Variants in UNC13D observed in about 807,000 individuals in gnomAD.
UNC13D encodes protein unc-13 homolog D.
UNC13D carries 115 observed loss-of-function variants against 151.7 expected under a neutral mutation model. That is an observed-to-expected ratio of 0.76 (90% CI 0.65 to 0.88). UNC13D has a LOEUF of 0.88. Ranked by LOEUF, UNC13D falls within the 40% of genes least tolerant of loss-of-function variation. The probability of loss-of-function intolerance (pLI) is 0.00; values close to 1 mark genes in which losing one functional copy is unlikely to be tolerated. For synonymous variants in UNC13D, 588 were observed against 612.2 expected (o/e 0.96, Z 0.58); for missense variants, 1,369 against 1,438.7 (o/e 0.95, Z 0.78).
In UNC13D at chr17:75,843,873, T is replaced by TG. The variant is rs573481513; in HGVS notation, c.117+347dup. The TG allele has an allele frequency of 3.3e-4, 448 of 1,369,554 alleles. 7 individuals carry two copies. The South Asian group carries it at 6.7e-3, about 20-fold the overall frequency. 84.8% of individuals were successfully genotyped at this position (1,369,554 alleles called of 1,614,324 possible). On this transcript the variant is annotated intron_variant, in intron 1 of 31. Coordinates refer to ENST00000207549, the MANE Select transcript of UNC13D (RefSeq NM_199242.3). ...AGGTGAGGGGGGTGCCACGTCGGCC[T>TG]GGGGGTCTGCTGCTCCCCGAACAGC...
At chr17:75,829,065 G>A in intron 30 of UNC13D, 82 bp from the exon 31 acceptor site, 1 of 1,523,864 alleles carries the variant, frequency 6.6e-7, no homozygotes, top group Non-Finnish European at 8.8e-7. Context: ...ACTTGGTGTT[G>A]GGAACCAGCC....
chr17:75,833,066 C>A lies in UNC13D; in HGVS notation c.2368-21G>T. ...ATGGCCTGGGGAGGGAGATGGGGAG[C>A]AGGTGTGGCTCCGGCCCATGTTGGC... On this transcript the variant is annotated intron_variant, in intron 24 of 31. Coordinates refer to ENST00000207549, the MANE Select transcript of UNC13D (RefSeq NM_199242.3). This position sits in a 1 kb window ranked among gnomAD's most constrained non-coding sequence, Gnocchi z 4.0. 6.3e-7 allele frequency: 1 copy of A among 1,594,876 alleles called. No homozygotes were observed. Among genetic ancestry groups the A allele is most frequent in the Non-Finnish European group, 8.5e-7 (1 of 1,171,748 alleles).
chr17:75,830,496 C>G lies in UNC13D; in HGVS notation c.2710-14G>C. ...GGTGGTTTCTGCCTGGGGTGGGGAG[C>G]AGGGGCAGGGTCAGCAGGGTCACAG... On this transcript the variant is annotated splice_polypyrimidine_tract_variant and intron_variant, in intron 28 of 31. Transcript: ENST00000207549. 6.3e-7 allele frequency: 1 copy of G among 1,590,740 alleles called. No individual in the cohort carries two copies. Among genetic ancestry groups the G allele is most frequent in the Non-Finnish European group, 8.6e-7 (1 of 1,168,896 alleles).
At position 75,841,192 on chromosome 17, in the gene UNC13D, G is replaced by GAGGA. The variant is rs575702409; in HGVS notation, c.570-195_570-192dup. ...GAGTCTAGTTCTGTCCCCCAGGCTG[G>GAGGA]AGGAGTGCAGTGGCAGGATCTAACT... On this transcript the variant is annotated intron_variant, in intron 6 of 31. Coordinates refer to ENST00000207549, the MANE Select transcript of UNC13D (RefSeq NM_199242.3). 8 of 595,630 alleles carry GAGGA rather than the reference G, an allele frequency of 1.3e-5. No homozygotes were observed. In the African/African-American group the frequency reaches 1.6e-4, roughly 12 times the overall value. 36.9% of individuals were successfully genotyped at this position (595,630 alleles called of 1,614,324 possible).
In UNC13D at chr17:75,843,056, G is replaced by C. The variant is rs3744007; in HGVS notation, c.279C>G (p.Pro93=). The change falls in exon 4 of 32, where the codon CCC becomes CCG. Residue 93 remains proline, a synonymous_variant. Transcript: ENST00000207549. ...GCTGCAGTGTCTGCTGGTGCTCCTC[G>C]GGCTCCACGTGGAAGGCCTGGTGGG... is the stretch of plus-strand genomic sequence containing the variant. The part of the protein sequence containing the change: ...RYLQEAFHVE[P]EEHQQTLQRV... 2.8e-5 allele frequency: 45 copies of C among 1,609,404 alleles called. No homozygotes were observed. The highest frequency in any genetic ancestry group is 3.6e-5 in the Non-Finnish European group (43 of 1,178,930).
At chr17:75,837,353 A>G (rs566167293) in intron 12 of UNC13D, among the ~76,000 whole-genome samples, 76 of 151,812 alleles carry the variant, frequency 5.0e-4, no homozygotes, top group Admixed American at 1.9e-3. Flanking sequence ...GACATGAGTC[A>G]CTGTGACCAG....
chr17:75,842,635 G>A (rs374282901), intron 5 of UNC13D, 22 bp from the exon 6 acceptor site: 18 of 1,610,198 alleles, frequency 1.1e-5, no homozygotes, highest in Non-Finnish European at 1.4e-5. Flanking sequence ...TGGGGAAGAC[G>A]AGGCAGCCAG....
intron 20 of UNC13D, 45 bp from the exon 21 acceptor site, chr17:75,835,108 C>G: frequency 6.2e-7 from 1 of 1,608,648 alleles, no homozygotes; most frequent in Non-Finnish European, 8.5e-7. Context: ...AATCCACCCC[C>G]TTCCCTCCTT....
rs185419295 is a variant in UNC13D at position 75,839,792 on chromosome 17, G to A, written c.1055+47C>T. On this transcript the variant is annotated intron_variant, in intron 12 of 31. Transcript: ENST00000207549. ...ACCGGCTTGGAGGAGGGCAGGGGGCGTGGGGGGCTGGTGGCTCAGGGGTTC... is the reference window on the plus strand; with the variant it reads ...ACCGGCTTGGAGGAGGGCAGGGGGCATGGGGGGCTGGTGGCTCAGGGGTTC... The A allele has an allele frequency of 8.2e-3, 13,056 of 1,595,664 alleles. 72 individuals carry two copies. The highest frequency in any genetic ancestry group is 9.7e-3 in the Non-Finnish European group (11,330 of 1,164,880).
rs917497461 is a variant in UNC13D at position 75,840,817 on chromosome 17, C to G, written c.628G>C (p.Val210Leu). ...CCAAGCTTCTGTCGGACAGACTCCA[C>G]AGTGTCCAGGTCCCTGGCAGGACAG... ...FHLDMWDLDTVESVRQKLGEL... is the reference protein window; with the variant it reads ...FHLDMWDLDTLESVRQKLGEL... Residue 210 changes from valine (V) to leucine (L), a missense_variant, in exon 8 of 32, where the codon GTG becomes CTG. Val to Leu is a conservative substitution (Grantham distance 32). This residue lies in a region of UNC13D where 550 missense variants were observed against 609.0 expected (regional missense o/e 0.90). Transcript: ENST00000207549. This position sits in a 1 kb window ranked among gnomAD's most constrained non-coding sequence, Gnocchi z 4.6. The G allele has an allele frequency of 3.1e-6, 5 of 1,613,942 alleles. No individual in the cohort carries two copies. In the Admixed American group the frequency reaches 8.3e-5, roughly 27 times the overall value.
At chr17:75,829,303 C>CT (rs542441754) in intron 30 of UNC13D, among the ~76,000 whole-genome samples, 1 of 152,228 alleles carries the variant, frequency 6.6e-6, no homozygotes, top group Non-Finnish European at 1.5e-5. Context: ...GGGAAGCAAA[C>CT]TTTTTTTTCT....
chr17:75,835,514 G>C lies in UNC13D; in HGVS notation c.1743C>G (p.Ala581=), dbSNP rs1344109934. ...GGAACCAGCGGTGGAAATTATCCAGGGCCAGGACTCCATCCCTGGGGATTG... is the reference window on the plus strand; with the variant it reads ...GGAACCAGCGGTGGAAATTATCCAGCGCCAGGACTCCATCCCTGGGGATTG... ...MSSSERDGVL[A]LDNFHRWFQP... is the part of the protein sequence containing the mutation. Residue 581 remains alanine (A), a synonymous_variant, in exon 20 of 32, where the codon GCC becomes GCG. Transcript: ENST00000207549. 2 of 1,606,384 alleles carry C rather than the reference G, an allele frequency of 1.2e-6. No individual in the cohort carries two copies. The highest frequency in any genetic ancestry group is 1.7e-6 in the Non-Finnish European group (2 of 1,176,744).
rs201931051 is a variant in UNC13D at position 75,831,301 on chromosome 17, G to A, written c.2495C>T (p.Ala832Val). Reference protein sequence around the residue: ...WTHTLTVLVEAAASQRSSSLA... With the variant: ...WTHTLTVLVEVAASQRSSSLA... ...GGATGAGCTGCGCTGGGAGGCGGCC[G>A]CCTCCACCAGCACTGTGAGTGTGTG... is the stretch of plus-strand genomic sequence containing the variant. The change falls in exon 26 of 32, where the codon GCG becomes GTG. Residue 832 changes from alanine to valine, a missense_variant. Ala to Val is a moderately conservative substitution (Grantham distance 64). Coordinates refer to ENST00000207549, the MANE Select transcript of UNC13D (RefSeq NM_199242.3). 3.4e-5 allele frequency: 55 copies of A among 1,613,618 alleles called. No homozygotes were observed. Among genetic ancestry groups the A allele is most frequent in the East Asian group, 4.5e-5 (2 of 44,880 alleles).
chr17:75,837,046 G>A (rs2064914437), intron 12 of UNC13D, 128 bp from the exon 13 acceptor site: 2 of 482,628 alleles, frequency 4.1e-6, no homozygotes, highest in Non-Finnish European at 6.5e-6. Context: ...GGCTCAACAG[G>A]ACATGCAGGA....
Position 75,840,643 on chromosome 17 carries a change from C to A in UNC13D, c.684-67G>T, listed in dbSNP as rs941579324. ...CGGAAGGGATTAGGCTGGAATCCAC[C>A]CCCGGCCGCAGCCACCTGGACCCCA... On this transcript the variant is annotated intron_variant, in intron 8 of 31. Coordinates refer to ENST00000207549, the MANE Select transcript of UNC13D (RefSeq NM_199242.3). The surrounding 1 kb of genome is among the most constrained non-coding windows in gnomAD (Gnocchi z 4.6). 6.2e-7 allele frequency: 1 copy of A among 1,611,220 alleles called. No homozygotes were observed. The highest frequency in any genetic ancestry group is 1.7e-5 in the Admixed American group (1 of 59,992).
intron 27 of UNC13D, 47 bp downstream of exon 27, chr17:75,831,051 G>A (rs2143866848): frequency 6.2e-7 from 1 of 1,609,610 alleles, no homozygotes; most frequent in Non-Finnish European, 8.5e-7. Flanking sequence ...GTGCCAAAAG[G>A]CAGGCTCCCC....
intron 30 of UNC13D, among the ~76,000 whole-genome samples, chr17:75,829,382 G>A (rs111365807): frequency 1.1e-4 from 16 of 152,036 alleles, no homozygotes; most frequent in East Asian, 3.9e-4. Context: ...TACAACCTCC[G>A]CCTCCCGGGT....
At chr17:75,843,923 A>G (rs1389875987) in intron 1 of UNC13D, 1 of 1,380,798 alleles carries the variant, frequency 7.2e-7, no homozygotes, top group Non-Finnish European at 9.4e-7. Flanking sequence ...GGACACCCCC[A>G]CCTAATGGAG....
In UNC13D at chr17:75,835,439, C is replaced by G. The variant is rs200621516; in HGVS notation, c.1818G>C (p.Ala606=). 6.2e-7 allele frequency: 1 copy of G among 1,612,928 alleles called. No homozygotes were observed. The highest frequency in any genetic ancestry group is 8.5e-7 in the Non-Finnish European group (1 of 1,179,856). The change falls in exon 20 of 32, where the codon GCG becomes GCC. Residue 606 remains alanine, a synonymous_variant. Coordinates refer to ENST00000207549, the MANE Select transcript of UNC13D (RefSeq NM_199242.3). ...CCATCTGCACAGCGCGCTGCACCCG[C>G]GCCAGGGCCTCGTTGTACGTCTTCT... The part of the protein sequence containing the change: ...WLQKTYNEAL[A]RVQRAVQMDE...
Sources: gnomAD v4.1 joint callset for allele counts (sites outside exome capture counted in the v4.1 genomes callset) on GRCh38, gnomAD v4.1.1 for gene constraint, gnomAD v4.1.1 regional missense constraint, Gnocchi (gnomAD v3.1) non-coding constraint, MANE v1.5 for transcripts, NCBI Gene and HGNC (gene_info 2026-07-23, HGNC 2026-07-21) for gene names.